Variants in ITPR2 observed in about 807,000 individuals in gnomAD.
The protein encoded by ITPR2 is inositol 1,4,5-trisphosphate-gated calcium channel ITPR2.
Under a neutral mutation model 317.1 loss-of-function variants are expected in ITPR2, and 207 were observed. The observed-to-expected ratio is 0.65, with a 90% confidence interval of 0.58 to 0.73. The LOEUF (loss-of-function observed/expected upper bound fraction) is 0.73, where lower values mean the gene tolerates loss of function less well. Ranked by LOEUF, ITPR2 falls within the 30% of genes least tolerant of loss-of-function variation. The pLI is 0.00. For synonymous variants in ITPR2, 1,156 were observed against 1,149.1 expected (o/e 1.01, Z -0.12); for missense variants, 2,613 against 3,284.0 (o/e 0.80, Z 4.99).
chr12:26,692,798 A>T (rs1350931456), intron 10 of ITPR2, among the ~76,000 whole-genome samples: 2 of 152,350 alleles, frequency 1.3e-5, no homozygotes, highest in South Asian at 4.1e-4. Context: ...TTACAAAAAA[A>T]AAATATTAAC....
chr12:26,356,313 T>C (rs1938636166), intron 55 of ITPR2, among the ~76,000 whole-genome samples: 1 of 152,190 alleles, frequency 6.6e-6, no homozygotes, highest in Non-Finnish European at 1.5e-5. Flanking sequence ...CTTCACCTGC[T>C]CTGCCAAGCA....
At chr12:26,771,164 G>A (rs115281122) in intron 2 of ITPR2, among the ~76,000 whole-genome samples, 2,257 of 152,224 alleles carry the variant, frequency 0.015, 58 homozygotes, top group African/African-American at 0.05. Context: ...GTGCCCAGAC[G>A]TTATATAAAA....
chr12:26,506,972 C>T (rs1465994092), intron 37 of ITPR2, among the ~76,000 whole-genome samples: 1 of 152,014 alleles, frequency 6.6e-6, no homozygotes, highest in Non-Finnish European at 1.5e-5. Context: ...ATTCTTTTAC[C>T]TCATTTTTCC....
chr12:26,448,326 G>A (rs955708411), intron 45 of ITPR2, among the ~76,000 whole-genome samples: 1 of 151,520 alleles, frequency 6.6e-6, no homozygotes, highest in African/African-American at 2.4e-5. Flanking sequence ...ATGAGAGTCT[G>A]AATTTGGGCA....
intron 49 of ITPR2, among the ~76,000 whole-genome samples, chr12:26,421,941 TA>T (rs1319264173): frequency 5.9e-5 from 9 of 151,840 alleles, no homozygotes; most frequent in Admixed American, 2.6e-4. Context: ...GGACAGTCTT[TA>T]AAAAATGATA....
At chr12:26,740,288 T>C (rs1949207660) in intron 2 of ITPR2, among the ~76,000 whole-genome samples, 18 of 152,214 alleles carry the variant, frequency 1.2e-4, no homozygotes, top group Admixed American at 1.2e-3. Flanking sequence ...TTGAGACTAC[T>C]GAGCATTGAG....
chr12:26,738,318 G>T (rs1356466531), intron 2 of ITPR2, among the ~76,000 whole-genome samples: 1 of 152,066 alleles, frequency 6.6e-6, no homozygotes, highest in Non-Finnish European at 1.5e-5. Flanking sequence ...AAGTAGAACA[G>T]TAAAATATTA....
chr12:26,622,158 CTGCAGCCA>C, intron 25 of ITPR2, 74 bp downstream of exon 25: 1 of 1,296,482 alleles, frequency 7.7e-7, no homozygotes. Context: ...GTCATTACCT[CTGCAGCCA>C]TGAAGTCAGG....
intron 55 of ITPR2, among the ~76,000 whole-genome samples, chr12:26,340,903 A>T (rs911368900): frequency 6.6e-5 from 10 of 152,104 alleles, no homozygotes; most frequent in East Asian, 5.8e-4. Flanking sequence ...GAAAGATTTT[A>T]TTGCAATGGG....
intron 2 of ITPR2, among the ~76,000 whole-genome samples, chr12:26,757,359 G>A (rs1316259908): frequency 1.3e-5 from 2 of 151,906 alleles, no homozygotes; most frequent in Non-Finnish European, 2.9e-5. Flanking sequence ...GGGATTATAG[G>A]TGCCCACCAC....
At chr12:26,719,668 A>G (rs1948800151) in intron 5 of ITPR2, among the ~76,000 whole-genome samples, 1 of 152,176 alleles carries the variant, frequency 6.6e-6, no homozygotes, top group Non-Finnish European at 1.5e-5. Flanking sequence ...TTTGTTACAT[A>G]TGTATACATG....
At chr12:26,699,091 G>A (rs1026152103) in intron 9 of ITPR2, among the ~76,000 whole-genome samples, 1 of 151,576 alleles carries the variant, frequency 6.6e-6, no homozygotes, top group Non-Finnish European at 1.5e-5. Context: ...TGTACCTTAT[G>A]GCCCAAGTTT....
At chr12:26,681,758 C>G (rs1303469708) in intron 13 of ITPR2, 116 bp downstream of exon 13, 1 of 663,768 alleles carries the variant, frequency 1.5e-6, no homozygotes. Flanking sequence ...CATTCAGAAG[C>G]AAGTGTGCTA....
At chr12:26,581,207 C>T (rs926123097) in intron 32 of ITPR2, among the ~76,000 whole-genome samples, 9 of 152,116 alleles carry the variant, frequency 5.9e-5, no homozygotes, top group African/African-American at 1.9e-4. Flanking sequence ...AGCTTTCACA[C>T]AAATTCATAA....
intron 32 of ITPR2, among the ~76,000 whole-genome samples, chr12:26,592,186 G>A (rs11611090): frequency 0.099 from 15,049 of 152,034 alleles, 1,024 homozygotes; most frequent in South Asian, 0.17. Context: ...CTTATTTGTG[G>A]GCACTAAAAA....
chr12:26,397,179 A>G (rs942871702), intron 54 of ITPR2, among the ~76,000 whole-genome samples: 1 of 152,142 alleles, frequency 6.6e-6, no homozygotes, highest in African/African-American at 2.4e-5. Context: ...ATAAAGTCCA[A>G]ACTGCCTAAT....
At position 26,476,897 on chromosome 12, in the gene ITPR2, T is replaced by C; in HGVS notation, c.6219+15A>G. 1.3e-6 allele frequency: 2 copies of C among 1,581,194 alleles called. No individual in the cohort carries two copies. On this transcript the variant is annotated intron_variant, in intron 44 of 56. Coordinates refer to ENST00000381340, the MANE Select transcript of ITPR2 (RefSeq NM_002223.4). ...GGCTACCCAATATTGACCAAGCTTT[T>C]AAAAGTTTTCTTACCAGTTCTCTGG...
At chr12:26,368,028 G>A (rs1281293314) in intron 55 of ITPR2, among the ~76,000 whole-genome samples, 1 of 152,130 alleles carries the variant, frequency 6.6e-6, no homozygotes, top group Non-Finnish European at 1.5e-5. Flanking sequence ...TTCTGATTAT[G>A]TTCTGCAAAG....
intron 39 of ITPR2, among the ~76,000 whole-genome samples, chr12:26,493,864 A>G (rs1591828501): frequency 1.3e-5 from 2 of 152,332 alleles, no homozygotes; most frequent in Admixed American, 6.5e-5. Flanking sequence ...CCTTCTGGAA[A>G]TAGTGGCCTA....
Sources: allele counts gnomAD v4.1 joint callset (sites outside exome capture counted in the v4.1 genomes callset), GRCh38; gene constraint gnomAD v4.1.1; transcripts MANE v1.5; gene names NCBI Gene and HGNC (gene_info 2026-07-23, HGNC 2026-07-21).